The following DOCK3 variants were observed in gnomAD, a reference collection of about 807,000 sequenced individuals.
DOCK3 encodes dedicator of cytokinesis protein 3.
A neutral mutation model predicts 265.6 loss-of-function variants in DOCK3; 60 were observed. That is an observed-to-expected ratio of 0.23 (90% CI 0.18 to 0.28). The LOEUF (loss-of-function observed/expected upper bound fraction) is 0.28, where lower values mean the gene tolerates loss of function less well. DOCK3 is among the 10% of genes least tolerant of loss of function. The pLI, the probability that DOCK3 is intolerant of heterozygous loss-of-function variation, is 1.00. For missense variants in DOCK3, 1,981 were observed against 2,594.3 expected, an observed-to-expected ratio of 0.76 and a Z score of 5.14; for synonymous variants, 881 against 938.0, an observed-to-expected ratio of 0.94 and a Z score of 1.11.
intron 12 of DOCK3, among the ~76,000 whole-genome samples, chr3:51,199,469 G>A (rs916478475): frequency 5.3e-5 from 8 of 152,192 alleles, no homozygotes; most frequent in African/African-American, 9.6e-5. Context: ...ACTGCAAGGC[G>A]GCAGCGAGGC....
intron 12 of DOCK3, among the ~76,000 whole-genome samples, chr3:51,200,544 G>C (rs1377551174): frequency 6.6e-6 from 1 of 151,032 alleles, no homozygotes; most frequent in Non-Finnish European, 1.5e-5. Flanking sequence ...ATCTACGTCT[G>C]ATTGGTGTAC....
intron 19 of DOCK3, among the ~76,000 whole-genome samples, chr3:51,232,814 A>G (rs1361955328): frequency 6.6e-6 from 1 of 152,150 alleles, no homozygotes; most frequent in Non-Finnish European, 1.5e-5. Flanking sequence ...ATTTTCTCAC[A>G]CTGTGAGGGT....
chr3:51,062,638 G>A (rs774916471), intron 5 of DOCK3, among the ~76,000 whole-genome samples: 1 of 152,142 alleles, frequency 6.6e-6, no homozygotes, highest in Non-Finnish European at 1.5e-5. Context: ...TGAGAGCAGG[G>A]ACTTTTGATC....
intron 32 of DOCK3, among the ~76,000 whole-genome samples, chr3:51,320,464 C>T (rs960266252): frequency 6.6e-6 from 1 of 152,064 alleles, no homozygotes; most frequent in Non-Finnish European, 1.5e-5. Context: ...CCTGGAACGC[C>T]AGTGAGACAG....
intron 1 of DOCK3, among the ~76,000 whole-genome samples, chr3:50,683,884 G>C (rs1362238543): frequency 8.1e-6 from 1 of 123,122 alleles, no homozygotes. Flanking sequence ...GGCTGGTCTT[G>C]AACTCCTGAC....
intron 38 of DOCK3, among the ~76,000 whole-genome samples, chr3:51,344,815 A>T (rs2085457884): frequency 6.6e-6 from 1 of 152,164 alleles, no homozygotes; most frequent in Non-Finnish European, 1.5e-5. Flanking sequence ...CCCCAAGCCC[A>T]CCAGTGTTCC....
At chr3:50,766,105 GTTT>G (rs571410931) in intron 1 of DOCK3, among the ~76,000 whole-genome samples, 186 of 152,170 alleles carry the variant, frequency 1.2e-3, no homozygotes, top group Middle Eastern at 6.8e-3. Flanking sequence ...ATTTCATTCT[GTTT>G]TTATGGCTGA....
At position 51,281,602 on chromosome 3, in the gene DOCK3, C is replaced by T. The variant is rs1223959470; in HGVS notation, c.2922+1398C>T. Among the ~76,000 whole-genome samples the T allele has an allele frequency of 2.0e-5, 3 of 151,924 alleles. No homozygotes were observed. In the East Asian group the frequency reaches 5.8e-4, roughly 29 times the overall value. On this transcript the variant is annotated intron_variant, in intron 27 of 52. Coordinates refer to ENST00000266037, the MANE Select transcript of DOCK3 (RefSeq NM_004947.5). ...ACTTTTTTTTCCTAGAGATTTGCTC[C>T]CCCACTGCTTTTATTTGTTTCAGTC...
chr3:51,254,410 CCTGGATAT>C (rs1196280198), intron 22 of DOCK3, among the ~76,000 whole-genome samples: 2 of 152,092 alleles, frequency 1.3e-5, no homozygotes, highest in African/African-American at 4.8e-5. Context: ...GAGTTCAGTT[CCTGGATAT>C]CCTTGTTAAC....
In DOCK3 at chr3:50,746,652, G is replaced by A. The variant is rs369883516; in HGVS notation, c.38-32023G>A. ...TCACAGTTCTGCAGGCTGTACACAC[G>A]GCATAGTGCCGGCATCTGCTTATGG... On this transcript the variant is annotated intron_variant, in intron 1 of 52. Coordinates refer to ENST00000266037, the MANE Select transcript of DOCK3 (RefSeq NM_004947.5). 5.9e-5 allele frequency among the ~76,000 whole-genome samples: 9 copies of A among 152,122 alleles called. No individual in the cohort carries two copies. In the East Asian group the frequency reaches 9.7e-4, roughly 16 times the overall value.
chr3:51,281,208 T>C (rs778496826), intron 27 of DOCK3, among the ~76,000 whole-genome samples: 2 of 150,498 alleles, frequency 1.3e-5, no homozygotes, highest in Non-Finnish European at 2.9e-5. Context: ...CTAGGCCACA[T>C]TGGAAGAAGA....
intron 1 of DOCK3, among the ~76,000 whole-genome samples, chr3:50,768,635 A>G (rs1426205083): frequency 6.6e-6 from 1 of 152,214 alleles, no homozygotes; most frequent in African/African-American, 2.4e-5. Flanking sequence ...TATATACCAC[A>G]TTAAAAAATT....
chr3:51,121,037 CA>C (rs2083993556), intron 9 of DOCK3, among the ~76,000 whole-genome samples: 1 of 152,104 alleles, frequency 6.6e-6, no homozygotes. Flanking sequence ...CAAACAAAAA[CA>C]AACAAAAAAA....
At chr3:51,108,168 G>A (rs139675528) in intron 9 of DOCK3, among the ~76,000 whole-genome samples, 1,938 of 152,106 alleles carry the variant, frequency 0.013, 49 homozygotes, top group African/African-American at 0.044. Flanking sequence ...CCAAGTAGCT[G>A]GGATTACAGG....
At chr3:51,020,124 C>G (rs939826133) in intron 5 of DOCK3, among the ~76,000 whole-genome samples, 2 of 151,884 alleles carry the variant, frequency 1.3e-5, no homozygotes, top group Non-Finnish European at 2.9e-5. Flanking sequence ...TGCAACCTCG[C>G]CAGCATCTGT....
chr3:50,849,638 C>T (rs2046266542), intron 3 of DOCK3, among the ~76,000 whole-genome samples: 1 of 151,930 alleles, frequency 6.6e-6, no homozygotes, highest in Non-Finnish European at 1.5e-5. Context: ...TAAACAGGCA[C>T]AGGAATTGAT....
At chr3:50,977,658 G>T (rs532679667) in intron 5 of DOCK3, among the ~76,000 whole-genome samples, 6 of 152,148 alleles carry the variant, frequency 3.9e-5, no homozygotes, top group East Asian at 1.9e-4. Flanking sequence ...CTTTGTGGTG[G>T]TCTCTGTATT....
chr3:51,245,474 T>C (rs2078793177), intron 21 of DOCK3, among the ~76,000 whole-genome samples: 1 of 144,150 alleles, frequency 6.9e-6, no homozygotes, highest in Admixed American at 7.3e-5. Flanking sequence ...CACTGCAACC[T>C]CCGCCTCCTG....
At chr3:51,013,304 T>G (rs925525126) in intron 5 of DOCK3, among the ~76,000 whole-genome samples, 12 of 152,226 alleles carry the variant, frequency 7.9e-5, no homozygotes, top group African/African-American at 2.9e-4. Context: ...CTTTGGTCTT[T>G]GATGATGGTG....
Sources: gnomAD v4.1 joint callset for allele counts (sites outside exome capture counted in the v4.1 genomes callset) on GRCh38, gnomAD v4.1.1 for gene constraint, MANE v1.5 for transcripts, NCBI Gene and HGNC (gene_info 2026-07-23, HGNC 2026-07-21) for gene names.